The following SPTLC2 variants were observed in gnomAD, a reference collection of about 807,000 sequenced individuals.
SPTLC2 encodes serine palmitoyltransferase 2.
Under a neutral mutation model 62.0 loss-of-function variants are expected in SPTLC2, and 21 were observed. The ratio of observed to expected loss-of-function variants is 0.34; its 90% CI spans 0.24 to 0.49. The LOEUF (loss-of-function observed/expected upper bound fraction) is 0.49. Ranked by LOEUF, SPTLC2 falls within the 20% of genes least tolerant of loss-of-function variation. The pLI is 0.99. For missense variants in SPTLC2, 511 were observed against 713.0 expected, an observed-to-expected ratio of 0.72 and a Z score of 3.23; for synonymous variants, 261 against 261.8, an observed-to-expected ratio of 1.00 and a Z score of 0.03.
At chr14:77,565,172 G>A (rs1281514694) in intron 5 of SPTLC2, among the ~76,000 whole-genome samples, 1 of 136,634 alleles carries the variant, frequency 7.3e-6, no homozygotes, top group East Asian at 2.3e-4. Flanking sequence ...AACCCAGGAA[G>A]CAGAGGTTGC....
At chr14:77,587,790 A>AATAAT (rs1179791623) in intron 2 of SPTLC2, among the ~76,000 whole-genome samples, 1 of 150,082 alleles carries the variant, frequency 6.7e-6, no homozygotes, top group South Asian at 2.1e-4. Context: ...TAATAATAAT[A>AATAAT]ACTAATGCTG....
At chr14:77,613,658 A>G (rs909939264) in intron 1 of SPTLC2, among the ~76,000 whole-genome samples, 1 of 152,216 alleles carries the variant, frequency 6.6e-6, no homozygotes, top group East Asian at 1.9e-4. Context: ...CTGTTCATTA[A>G]AAGACATGGT....
intron 1 of SPTLC2, among the ~76,000 whole-genome samples, chr14:77,603,883 G>C (rs533961144): frequency 6.6e-6 from 1 of 152,326 alleles, no homozygotes; most frequent in African/African-American, 2.4e-5. Flanking sequence ...CACGGTGTAA[G>C]AGATGCAAGA....
chr14:77,567,001 C>T lies in SPTLC2; in HGVS notation c.756+3383G>A, dbSNP rs58215332. 9.0e-3 allele frequency among the ~76,000 whole-genome samples: 1,364 copies of T among 151,980 alleles called. 20 individuals are homozygous for T. Among genetic ancestry groups the T allele is most frequent in the African/African-American group, 0.031 (1,286 of 41,416 alleles). ...ATCTTTTTTTTTTGAGACGGAGTCT[C>T]GCTCTGTCCCCCAGGCTGGAGTGCA... On this transcript the variant is annotated intron_variant, in intron 5 of 11. Transcript: ENST00000216484.
intron 5 of SPTLC2, among the ~76,000 whole-genome samples, chr14:77,567,791 A>C (rs1246468512): frequency 7.3e-6 from 1 of 137,730 alleles, no homozygotes; most frequent in Non-Finnish European, 1.6e-5. Context: ...GTTTGGGTTT[A>C]ATTTGTTTTT....
At chr14:77,577,668 G>A (rs1340235635) in intron 3 of SPTLC2, among the ~76,000 whole-genome samples, 10 of 152,158 alleles carry the variant, frequency 6.6e-5, no homozygotes, top group East Asian at 3.9e-4. Context: ...GGGAGGCCGC[G>A]GTGGGTGGAT....
At chr14:77,545,269 C>CT (rs34363127) in intron 9 of SPTLC2, among the ~76,000 whole-genome samples, 24,026 of 146,476 alleles carry the variant, frequency 0.16, 2,194 homozygotes, top group African/African-American at 0.25. Context: ...GTATCGGGCA[C>CT]TTTTTTTTTT....
At position 77,512,211 on chromosome 14, in the gene SPTLC2, C is replaced by T; in HGVS notation, c.*73G>A. On this transcript the variant is annotated 3_prime_UTR_variant, in exon 12 of 12. Transcript: ENST00000216484. ...TGAGATGGCCACAGAAGTGTGGTTC[C>T]TGGAACTGGCTCACAAAGGCCACAG... The T allele has an allele frequency of 6.2e-7, 1 of 1,609,590 alleles. No individual in the cohort carries two copies. Among genetic ancestry groups the T allele is most frequent in the Non-Finnish European group, 8.5e-7 (1 of 1,177,902 alleles).
chr14:77,532,018 T>C (rs2079443391), intron 9 of SPTLC2, among the ~76,000 whole-genome samples: 1 of 152,188 alleles, frequency 6.6e-6, no homozygotes, highest in Non-Finnish European at 1.5e-5. Context: ...TGATTTTAAA[T>C]ACAGCCAACT....
At position 77,557,215 on chromosome 14, in the gene SPTLC2, A is replaced by G. The variant is rs142633859; in HGVS notation, c.851-69T>C. The G allele has an allele frequency of 3.6e-4, 491 of 1,350,178 alleles. 2 individuals carry two copies. In the East Asian group the frequency reaches 7.6e-3, roughly 21 times the overall value. 83.6% of individuals were successfully genotyped at this position (1,350,178 alleles called of 1,614,324 possible). A position where few individuals can be genotyped will look rare whatever the true frequency, so the allele number is the denominator to read the frequency against. ...TCCTAACTTTATTCCGGAAATGCAG[A>G]GATATATTTCTCATTCAGAAACCAT... On this transcript the variant is annotated intron_variant, in intron 6 of 11. Transcript: ENST00000216484.
At chr14:77,521,712 AT>A in intron 9 of SPTLC2, 131 bp from the exon 10 acceptor site, 1 of 818,922 alleles carries the variant, frequency 1.2e-6, no homozygotes, top group Non-Finnish European at 2.0e-6. Flanking sequence ...ACCATAAAAT[AT>A]TTTACAGAGT....
intron 9 of SPTLC2, among the ~76,000 whole-genome samples, chr14:77,535,274 C>G (rs2079463530): frequency 1.3e-5 from 2 of 152,094 alleles, no homozygotes; most frequent in Non-Finnish European, 2.9e-5. Context: ...AAAAAGCACA[C>G]CCAGCATATG....
At chr14:77,583,242 A>AAATAAATAAAT (rs1566787294) in intron 2 of SPTLC2, among the ~76,000 whole-genome samples, 3 of 103,896 alleles carry the variant, frequency 2.9e-5, no homozygotes, top group Non-Finnish European at 6.6e-5. Flanking sequence ...AATAAATAAA[A>AAATAAATAAAT]ATAATAATTT....
rs942652066 is a variant in SPTLC2, at chr14:77,510,681, C to G, written c.*1603G>C. 6.6e-6 allele frequency: 1 copy of G among 152,172 alleles called. No homozygotes were observed. Among genetic ancestry groups the G allele is most frequent in the Non-Finnish European group, 1.5e-5 (1 of 68,062 alleles). The allele number at this position is 152,172 out of a possible 1,614,324, so 9.4% of individuals were successfully genotyped here. ...TAGAGACGGGGTTTCACCATGTTGG[C>G]CAGGCTGGTCTTGAATTCCTGACCT... On this transcript the variant is annotated 3_prime_UTR_variant, in exon 12 of 12. Coordinates refer to ENST00000216484, the MANE Select transcript of SPTLC2 (RefSeq NM_004863.4).
rs183004481 is a variant in SPTLC2, at chr14:77,510,972, C to T, written c.*1312G>A. ...TTCTTTGGTCAGGCAGTATAAAGCT[C>T]TCTGAAAGAAGTCCCTTTACCTGGT... On this transcript the variant is annotated 3_prime_UTR_variant, in exon 12 of 12. Transcript: ENST00000216484. 6.5e-6 allele frequency: 1 copy of T among 152,690 alleles called. No individual in the cohort carries two copies. Among genetic ancestry groups the T allele is most frequent in the Admixed American group, 6.5e-5 (1 of 15,302 alleles). 9.5% of individuals were successfully genotyped at this position (152,690 alleles called of 1,614,324 possible).
intron 1 of SPTLC2, among the ~76,000 whole-genome samples, chr14:77,613,796 AAG>A (rs1161147793): frequency 2.0e-5 from 3 of 152,220 alleles, no homozygotes; most frequent in African/African-American, 4.8e-5. Context: ...CCCCCCCAGA[AAG>A]AGGGGAAAGA....
At position 77,510,104 on chromosome 14, in the gene SPTLC2, A is replaced by C. The variant is rs2079324863; in HGVS notation, c.*2180T>G. The C allele has an allele frequency of 2.5e-6, 1 of 395,928 alleles. No homozygotes were observed. The highest frequency in any genetic ancestry group is 3.6e-5 in the East Asian group (1 of 27,902). 24.5% of individuals were successfully genotyped at this position (395,928 alleles called of 1,614,324 possible). A position where few individuals can be genotyped will look rare whatever the true frequency, so the allele number is the denominator to read the frequency against. On this transcript the variant is annotated 3_prime_UTR_variant, in exon 12 of 12. Coordinates refer to ENST00000216484, the MANE Select transcript of SPTLC2 (RefSeq NM_004863.4). ...ACTAGATGTGCAGAAAAGGTTGACA[A>C]TGTATTTGATTTTATAGGACTCCTA...
intron 6 of SPTLC2, 104 bp downstream of exon 6, chr14:77,562,292 C>A: frequency 9.8e-7 from 1 of 1,020,652 alleles, no homozygotes; most frequent in Non-Finnish European, 1.6e-6. Context: ...GCTACTTTGT[C>A]TTCATTTATA....
intron 1 of SPTLC2, among the ~76,000 whole-genome samples, chr14:77,598,921 A>G (rs1024781923): frequency 1.3e-4 from 5 of 38,750 alleles, no homozygotes; most frequent in African/African-American, 3.0e-4. Flanking sequence ...GGTGATACAG[A>G]AAAAAAAAAA....
Sources: allele counts gnomAD v4.1 joint callset (sites outside exome capture counted in the v4.1 genomes callset), GRCh38; gene constraint gnomAD v4.1.1; transcripts MANE v1.5; gene names NCBI Gene and HGNC (gene_info 2026-07-23, HGNC 2026-07-21).